Variants in TBL1X observed in about 807,000 individuals in gnomAD.
TBL1X encodes the protein F-box-like/WD repeat-containing protein TBL1X.
In TBL1X, 10 loss-of-function variants were observed where a neutral mutation model predicts 50.7. The observed-to-expected ratio is 0.20, with a 90% CI of 0.12 to 0.33. The LOEUF (loss-of-function observed/expected upper bound fraction) is 0.33. Ranked by LOEUF, TBL1X falls within the 10% of genes least tolerant of loss-of-function variation. TBL1X has a pLI of 1.00. For synonymous variants in TBL1X, 190 were observed against 214.7 expected (o/e 0.88, Z 1.01); for missense variants, 340 against 504.4 (o/e 0.67, Z 3.12).
chrX:9,629,700 G>T (rs1352759564), intron 2 of TBL1X, among the ~76,000 whole-genome samples: 1 of 111,923 alleles, frequency 8.9e-6, no homozygotes, highest in Non-Finnish European at 1.9e-5. Flanking sequence ...TAAAAAAACG[G>T]TAGCAGCATT....
rs188981626 is a variant in TBL1X at position 9,522,079 on chromosome X, G to A, written c.-131+20230G>A. Among the ~76,000 whole-genome samples the A allele has an allele frequency of 1.6e-3, 162 of 101,301 alleles. 1 individual carries two copies. Among genetic ancestry groups the A allele is most frequent in the East Asian group, 6.2e-3 (20 of 3,246 alleles). 88.0% of individuals were successfully genotyped at this position (101,301 alleles called of 115,157 possible). A position where few individuals can be genotyped will look rare whatever the true frequency, so the allele number is the denominator to read the frequency against. On this transcript the variant is annotated intron_variant, in intron 2 of 17. Transcript: ENST00000645353. Reference sequence around the variant, plus strand: ...GTCACCCAGGCTGAAGTGCAGGGTCGCGATCACTGCTCACTGCAGCCTTGA... The same window carrying A: ...GTCACCCAGGCTGAAGTGCAGGGTCACGATCACTGCTCACTGCAGCCTTGA...
chrX:9,540,486 T>C (rs780769024), intron 2 of TBL1X, among the ~76,000 whole-genome samples: 5 of 112,402 alleles, frequency 4.4e-5, no homozygotes, highest in Non-Finnish European at 7.5e-5. Context: ...GATGAAGTCT[T>C]CTTGCCCTGT....
At chrX:9,649,621 G>A (rs944092735) in intron 3 of TBL1X, among the ~76,000 whole-genome samples, 5 of 111,755 alleles carry the variant, frequency 4.5e-5, no homozygotes, top group African/African-American at 1.6e-4. Flanking sequence ...ATTAAAAATG[G>A]CCCGTAATCC....
chrX:9,529,361 T>G (rs2082148588), intron 2 of TBL1X, among the ~76,000 whole-genome samples: 1 of 111,570 alleles, frequency 9.0e-6, no homozygotes, highest in African/African-American at 3.3e-5. Context: ...ACAGTTTTCT[T>G]GGATCCAGGA....
At chrX:9,544,253 C>T (rs754825804) in intron 2 of TBL1X, among the ~76,000 whole-genome samples, 18 of 112,298 alleles carry the variant, frequency 1.6e-4, no homozygotes, top group South Asian at 1.5e-3. Flanking sequence ...GTGAGGTGTC[C>T]TAGTGGAAGA....
intron 2 of TBL1X, among the ~76,000 whole-genome samples, chrX:9,509,072 GTTTTTTTTGTT>G (rs1437826243): frequency 1.1e-4 from 6 of 55,602 alleles, no homozygotes; most frequent in African/African-American, 2.7e-4. Context: ...CATGTATCCT[GTTTTTTTTGTT>G]TTTTTTTTGT....
At chrX:9,640,088 C>T (rs1268982516) in intron 2 of TBL1X, among the ~76,000 whole-genome samples, 185 bp from the exon 3 acceptor site, 2 of 111,875 alleles carry the variant, frequency 1.8e-5, no homozygotes, top group African/African-American at 3.3e-5. Flanking sequence ...TTTCTCCTTT[C>T]TTTCACTTTG....
In TBL1X at chrX:9,653,648, T is replaced by A; in HGVS notation, c.62T>A (p.Met21Lys). The A allele has an allele frequency of 8.5e-6, 10 of 1,173,388 alleles. No homozygotes were observed. Among genetic ancestry groups the A allele is most frequent in the Non-Finnish European group, 1.1e-5 (10 of 875,815 alleles). ...CCHRPAGRGA[M>K]QSVLHHFQRL... Reference sequence around the variant, plus strand: ...CACCGCCCTGCAGGAAGAGGGGCCATGCAGTCAGTCTTGCACCACTTTCAA... The same window carrying A: ...CACCGCCCTGCAGGAAGAGGGGCCAAGCAGTCAGTCTTGCACCACTTTCAA... Residue 21 changes from methionine (M) to lysine (K), a missense_variant, in exon 4 of 18, where the codon ATG (methionine) becomes AAG (lysine). Met to Lys is a moderately conservative substitution (Grantham distance 95, BLOSUM62 -1). Transcript: ENST00000645353.
chrX:9,653,794 T>C, intron 4 of TBL1X, 105 bp downstream of exon 4: 1 of 749,744 alleles, frequency 1.3e-6, no homozygotes, highest in Non-Finnish European at 2.0e-6. Flanking sequence ...AGAAAAGTGC[T>C]CAGTGTTGAA....
At chrX:9,513,404 G>A (rs1180257090) in intron 2 of TBL1X, among the ~76,000 whole-genome samples, 2 of 111,230 alleles carry the variant, frequency 1.8e-5, no homozygotes, top group Non-Finnish European at 3.8e-5. Flanking sequence ...CCCGACTGGG[G>A]CAGGTTAACC....
At chrX:9,495,359 C>A (rs1231789214) in intron 1 of TBL1X, among the ~76,000 whole-genome samples, 1 of 110,521 alleles carries the variant, frequency 9.0e-6, no homozygotes, top group Non-Finnish European at 1.9e-5. Context: ...GGGATGTCTA[C>A]GGAATGTGAA....
chrX:9,543,169 G>A (rs1022727644), intron 2 of TBL1X, among the ~76,000 whole-genome samples: 2 of 112,135 alleles, frequency 1.8e-5, no homozygotes, highest in African/African-American at 6.5e-5. Flanking sequence ...GTGAATCCGT[G>A]TGCTGGGATT....
At chrX:9,536,889 T>C (rs984339941) in intron 2 of TBL1X, among the ~76,000 whole-genome samples, 1 of 111,977 alleles carries the variant, frequency 8.9e-6, no homozygotes, top group Middle Eastern at 4.2e-3. Flanking sequence ...GTGGCTTTAA[T>C]CCCTCTTTCA....
At chrX:9,713,717 C>T (rs972087494) in intron 16 of TBL1X, among the ~76,000 whole-genome samples, 10 of 109,048 alleles carry the variant, frequency 9.2e-5, no homozygotes, top group Admixed American at 4.9e-4. Context: ...CATGAGCCAC[C>T]GCGCCCGGCC....
intron 5 of TBL1X, among the ~76,000 whole-genome samples, chrX:9,674,344 C>T (rs150676212): frequency 0.014 from 1,599 of 110,606 alleles, 36 homozygotes; most frequent in African/African-American, 0.05. Context: ...ACTGCAGCCT[C>T]AGCCTCCTGG....
Position 9,717,700 on chromosome X carries a change from C to T in TBL1X, c.*1454C>T, listed in dbSNP as rs1204187436. ...CCACAACCGTATAACGACCGATGGT[C>T]ATTTCTCCAAGAGCAGGCTTGGCGA... On this transcript the variant is annotated 3_prime_UTR_variant, in exon 18 of 18. Coordinates refer to ENST00000645353, the MANE Select transcript of TBL1X (RefSeq NM_005647.4). The T allele has an allele frequency of 8.9e-6, 1 of 112,426 alleles. No individual in the cohort carries two copies. The highest frequency in any genetic ancestry group is 3.2e-5 in the African/African-American group (1 of 30,937). 9.3% of individuals were successfully genotyped at this position (112,426 alleles called of 1,213,427 possible). A position where few individuals can be genotyped will look rare whatever the true frequency, so the allele number is the denominator to read the frequency against.
intron 6 of TBL1X, among the ~76,000 whole-genome samples, chrX:9,685,693 C>A (rs1455154780): frequency 9.5e-6 from 1 of 105,111 alleles, no homozygotes. Context: ...GTAATAATAT[C>A]CTGTTCTCTT....
intron 2 of TBL1X, among the ~76,000 whole-genome samples, chrX:9,633,473 A>G (rs920659676): frequency 2.7e-5 from 3 of 111,967 alleles, no homozygotes. Flanking sequence ...CCCCATACCC[A>G]TTTTCATAGT....
rs1246840900 is a variant in TBL1X, at chrX:9,683,366, G to C, written c.212-677G>C. 2.7e-5 allele frequency among the ~76,000 whole-genome samples: 3 copies of C among 112,231 alleles called. No individual in the cohort carries two copies. In the Admixed American group the frequency reaches 2.8e-4, roughly 11 times the overall value. On this transcript the variant is annotated intron_variant, in intron 5 of 17. Transcript: ENST00000645353. ...CACCTTTAAATTGCCAAGCATCATT[G>C]ATAGCAGCTTCCTAGAGCGGCAGTG...
Sources: allele counts gnomAD v4.1 joint callset (sites outside exome capture counted in the v4.1 genomes callset), GRCh38; gene constraint gnomAD v4.1.1; transcripts MANE v1.5; gene names NCBI Gene and HGNC (gene_info 2026-07-23, HGNC 2026-07-21).